ITSN1: variants seen among roughly 807,000 people sequenced by gnomAD.
ITSN1 encodes the protein intersectin 1.
A neutral mutation model predicts 239.8 loss-of-function variants in ITSN1; 58 were observed. That is an observed-to-expected ratio of 0.24 (90% CI 0.20 to 0.30). The LOEUF is 0.30. Ranked by LOEUF, ITSN1 falls within the 10% of genes least tolerant of loss-of-function variation. ITSN1 has a pLI of 1.00. For synonymous variants in ITSN1, 780 were observed against 770.8 expected, an observed-to-expected ratio of 1.01 and a Z score of -0.20; for missense variants, 1,558 against 2,103.3, an observed-to-expected ratio of 0.74 and a Z score of 5.07.
At chr21:33,796,448 T>C (rs2071568035) in intron 17 of ITSN1, among the ~76,000 whole-genome samples, 1 of 152,246 alleles carries the variant, frequency 6.6e-6, no homozygotes, top group South Asian at 2.1e-4. Context: ...ATAAATGTAA[T>C]TTTTTGACAA....
chr21:33,720,811 A>G (rs1356614292), intron 2 of ITSN1, among the ~76,000 whole-genome samples: 1 of 152,198 alleles, frequency 6.6e-6, no homozygotes, highest in East Asian at 1.9e-4. Flanking sequence ...TGTGGCATTT[A>G]AGGCACTTGA....
intron 1 of ITSN1, among the ~76,000 whole-genome samples, chr21:33,659,563 A>T (rs1036985947): frequency 1.3e-4 from 20 of 152,138 alleles, no homozygotes; most frequent in African/African-American, 4.8e-4. Flanking sequence ...AACATTTTTT[A>T]GAACTCAGTC....
chr21:33,772,674 A>G (rs192669491), intron 12 of ITSN1, among the ~76,000 whole-genome samples: 24 of 152,338 alleles, frequency 1.6e-4, no homozygotes, highest in Admixed American at 1.4e-3. Flanking sequence ...GTTCATCCAC[A>G]TTGTAAAATG....
chr21:33,777,486 G>A (rs1356297748), intron 14 of ITSN1, among the ~76,000 whole-genome samples: 1 of 152,132 alleles, frequency 6.6e-6, no homozygotes, highest in African/African-American at 2.4e-5. Flanking sequence ...TTACAAAAAT[G>A]CTTGGAATTT....
chr21:33,746,487 T>C (rs187936358), intron 5 of ITSN1, among the ~76,000 whole-genome samples: 24 of 152,132 alleles, frequency 1.6e-4, no homozygotes, highest in Non-Finnish European at 2.9e-4. Flanking sequence ...CAAAAAACAA[T>C]AGAAATTACA....
At chr21:33,724,829 G>T (rs1020749815) in intron 4 of ITSN1, among the ~76,000 whole-genome samples, 8 of 151,922 alleles carry the variant, frequency 5.3e-5, no homozygotes, top group Non-Finnish European at 1.2e-4. Flanking sequence ...TTTTTCTTCT[G>T]TTTTTTGTAA....
chr21:33,829,766 T>C, intron 27 of ITSN1, 21 bp downstream of exon 27: 1 of 1,613,136 alleles, frequency 6.2e-7, no homozygotes, highest in Non-Finnish European at 8.5e-7. Context: ...TTTTTGTTTA[T>C]TTACAATTCT....
chr21:33,794,055 C>T (rs2071349934), intron 16 of ITSN1, among the ~76,000 whole-genome samples: 1 of 152,182 alleles, frequency 6.6e-6, no homozygotes, highest in South Asian at 2.1e-4. Context: ...GAGCCTTTAG[C>T]AGCAGAGCTC....
chr21:33,848,669 G>A (rs2075059335), intron 29 of ITSN1, among the ~76,000 whole-genome samples: 1 of 152,226 alleles, frequency 6.6e-6, no homozygotes, highest in South Asian at 2.1e-4. Flanking sequence ...CACATGTGCA[G>A]CACCCGGCAT....
intron 24 of ITSN1, among the ~76,000 whole-genome samples, chr21:33,821,308 CTTAG>C (rs2073662492): frequency 3.3e-5 from 5 of 151,960 alleles, no homozygotes; most frequent in Admixed American, 3.3e-4. Context: ...TTTGAAATGA[CTTAG>C]TTATTAGAAA....
At chr21:33,754,689 T>C (rs1231831750) in intron 7 of ITSN1, among the ~76,000 whole-genome samples, 1 of 152,210 alleles carries the variant, frequency 6.6e-6, no homozygotes, top group African/African-American at 2.4e-5. Context: ...TATTGGATTG[T>C]AGTCGAGAAA....
intron 20 of ITSN1, among the ~76,000 whole-genome samples, chr21:33,808,340 T>G (rs893823573): frequency 3.9e-5 from 6 of 151,998 alleles, no homozygotes; most frequent in Non-Finnish European, 8.8e-5. Context: ...ATCCCAGAAC[T>G]TTGGGAGGCC....
In ITSN1 at chr21:33,772,965, A is replaced by T. The variant is rs966857479; in HGVS notation, c.1305+642A>T. Among the ~76,000 whole-genome samples the T allele has an allele frequency of 2.0e-5, 3 of 151,638 alleles. No individual in the cohort carries two copies. The East Asian group carries it at 5.8e-4, about 29-fold the overall frequency. On this transcript the variant is annotated intron_variant, in intron 12 of 39. Coordinates refer to ENST00000381318, the MANE Select transcript of ITSN1 (RefSeq NM_003024.3). ...GTATAATTTTTTAAAAACCACTGTA[A>T]TAGTATCATACCAATTACATTGTTC...
At chr21:33,694,377 GATT>G (rs2091698366) in intron 1 of ITSN1, among the ~76,000 whole-genome samples, 1 of 152,160 alleles carries the variant, frequency 6.6e-6, no homozygotes, top group African/African-American at 2.4e-5. Flanking sequence ...GAACAGTTAA[GATT>G]ATTTAAGTTT....
chr21:33,831,314 G>A (rs188326689), intron 27 of ITSN1, among the ~76,000 whole-genome samples: 2 of 152,314 alleles, frequency 1.3e-5, no homozygotes, highest in East Asian at 3.9e-4. Context: ...TTGAACGTGG[G>A]CCTCTGCGTA....
At chr21:33,676,912 A>T (rs2090627902) in intron 1 of ITSN1, among the ~76,000 whole-genome samples, 1 of 151,920 alleles carries the variant, frequency 6.6e-6, no homozygotes, top group Non-Finnish European at 1.5e-5. Context: ...TTCGACAGAA[A>T]ACCAAACACT....
At chr21:33,744,694 A>G (rs1194566627) in intron 5 of ITSN1, among the ~76,000 whole-genome samples, 5 of 152,242 alleles carry the variant, frequency 3.3e-5, no homozygotes, top group Non-Finnish European at 7.3e-5. Context: ...AAAGCATAGT[A>G]GGAGGATATC....
At chr21:33,718,877 C>G (rs1569014984) in intron 2 of ITSN1, 21 bp downstream of exon 2, 3 of 1,604,250 alleles carry the variant, frequency 1.9e-6, no homozygotes, top group Non-Finnish European at 2.6e-6. Context: ...AGAAATTTCT[C>G]TTTTTAATGT....
In ITSN1 at chr21:33,888,575, C is replaced by G; in HGVS notation, c.*275C>G. The G allele has an allele frequency of 3.2e-6, 1 of 314,014 alleles. No individual in the cohort carries two copies. The highest frequency in any genetic ancestry group is 5.9e-6 in the Non-Finnish European group (1 of 170,458). The allele number at this position is 314,014 out of a possible 1,614,324, so 19.5% of individuals were successfully genotyped here. ...AGGGTCGCTGAAATCCCATAGCCCT[C>G]AACAGGGTGCAGCTGGGAGTCTAGC... On this transcript the variant is annotated 3_prime_UTR_variant, in exon 40 of 40. Coordinates refer to ENST00000381318, the MANE Select transcript of ITSN1 (RefSeq NM_003024.3).
Sources: allele counts gnomAD v4.1 joint callset (sites outside exome capture counted in the v4.1 genomes callset), GRCh38; gene constraint gnomAD v4.1.1; transcripts MANE v1.5; gene names NCBI Gene and HGNC (gene_info 2026-07-23, HGNC 2026-07-21).